CPS1: variants seen among roughly 807,000 people sequenced by gnomAD.
The protein encoded by CPS1 is carbamoyl-phosphate synthase [ammonia], mitochondrial.
CPS1 carries 109 observed loss-of-function variants against 174.6 expected under a neutral mutation model. That is an observed-to-expected ratio of 0.62 (90% confidence interval 0.53 to 0.73). The LOEUF (loss-of-function observed/expected upper bound fraction) is 0.73. Among genes scored for constraint, CPS1 ranks in the 30% least tolerant of loss-of-function variants. CPS1 has a pLI of 0.00. For missense variants in CPS1, 1,689 were observed against 1,821.9 expected (o/e 0.93, Z 1.33); for synonymous variants, 637 against 632.0 (o/e 1.01, Z -0.12).
At chr2:210,530,353 C>G (rs1423030005) in intron 1 of CPS1, among the ~76,000 whole-genome samples, 1 of 152,154 alleles carries the variant, frequency 6.6e-6, no homozygotes. Context: ...ATACTTTATA[C>G]TTTTTCTTCC....
chr2:210,661,769 T>TGAGA (rs1269449196), intron 32 of CPS1, among the ~76,000 whole-genome samples: 8 of 152,150 alleles, frequency 5.3e-5, no homozygotes, highest in African/African-American at 1.9e-4. Context: ...GAAAAATATT[T>TGAGA]TTTTCCACTG....
chr2:210,591,326 G>A (rs946611271), intron 9 of CPS1, among the ~76,000 whole-genome samples: 1 of 151,960 alleles, frequency 6.6e-6, no homozygotes, highest in African/African-American at 2.4e-5. Flanking sequence ...TGACTTAAGA[G>A]CCGAGGAACC....
chr2:210,649,296 A>G (rs1032247571), intron 27 of CPS1, among the ~76,000 whole-genome samples: 1 of 152,224 alleles, frequency 6.6e-6, no homozygotes, highest in Non-Finnish European at 1.5e-5. Context: ...TGAGGAGTTA[A>G]TGTAAACTAA....
At chr2:210,654,210 C>A in intron 29 of CPS1, 108 bp downstream of exon 29, 6 of 984,952 alleles carry the variant, frequency 6.1e-6, no homozygotes, top group East Asian at 2.5e-5. Flanking sequence ...TAAAACAGGT[C>A]TCCAGTAATA....
At chr2:210,539,180 A>G (rs969113859) in intron 1 of CPS1, among the ~76,000 whole-genome samples, 5 of 152,178 alleles carry the variant, frequency 3.3e-5, no homozygotes, top group African/African-American at 1.2e-4. Context: ...AATCTGCCTC[A>G]TAGTACTGCT....
intron 33 of CPS1, among the ~76,000 whole-genome samples, chr2:210,667,485 G>A (rs372642541): frequency 2.6e-5 from 4 of 152,094 alleles, no homozygotes; most frequent in East Asian, 1.9e-4. Flanking sequence ...CACAATTACC[G>A]TAAACCTAAA....
intron 1 of CPS1, among the ~76,000 whole-genome samples, chr2:210,519,969 A>G (rs886779447): frequency 6.6e-6 from 1 of 151,992 alleles, no homozygotes; most frequent in African/African-American, 2.4e-5. Context: ...AAACACATCT[A>G]TATGCTTATT....
intron 26 of CPS1, 66 bp downstream of exon 26, chr2:210,648,123 C>G (rs776295188): frequency 6.7e-7 from 1 of 1,483,124 alleles, no homozygotes; most frequent in Non-Finnish European, 9.4e-7. Context: ...TGAATGTTGA[C>G]TGAATGTTGA....
chr2:210,485,755 A>G (rs1213838187), intron 1 of CPS1, among the ~76,000 whole-genome samples: 2 of 152,154 alleles, frequency 1.3e-5, no homozygotes, highest in Non-Finnish European at 2.9e-5. Flanking sequence ...CATACTTTGT[A>G]TGGATACAGT....
At chr2:210,584,516 C>A (rs1464390065) in intron 6 of CPS1, among the ~76,000 whole-genome samples, 3 of 152,132 alleles carry the variant, frequency 2.0e-5, no homozygotes, top group African/African-American at 7.2e-5. Flanking sequence ...ATATAACATA[C>A]ACTTTTTTGC....
rs1332275359 is a variant in CPS1 at position 210,582,630 on chromosome 2, G to C, written c.542G>C (p.Gly181Ala). The C allele has an allele frequency of 6.2e-7, 1 of 1,612,644 alleles. No homozygotes were observed. The highest frequency in any genetic ancestry group is 1.3e-5 in the African/African-American group (1 of 74,792). The change falls in exon 6 of 38, where the codon GGG becomes GCG. Residue 181 changes from glycine (G) to alanine (A), a missense_variant. By Grantham distance (60) the Gly-to-Ala change is moderately conservative. Coordinates refer to ENST00000233072, the MANE Select transcript of CPS1 (RefSeq NM_001875.5). ...KIIRDKGTML[G>A]KIEFEGQPVD... ...TTAATTTGATAGGGTACCATGCTTG[G>C]GAAGATTGAATTTGAAGGTCAGCCT...
intron 21 of CPS1, among the ~76,000 whole-genome samples, chr2:210,622,766 TA>T (rs36066680): frequency 0.52 from 72,510 of 138,684 alleles, 18,281 homozygotes; most frequent in South Asian, 0.59. Context: ...TCATGATACT[TA>T]AAAAAAAAAA....
chr2:210,600,612 C>T lies in CPS1; in HGVS notation c.1607C>T (p.Thr536Ile). Reference sequence around the variant, plus strand: ...GAATATGGTGTGAAAGTCCTGGGAACTTCAGTTGAGTCCATTATGGCTACG... The same window carrying T: ...GAATATGGTGTGAAAGTCCTGGGAATTTCAGTTGAGTCCATTATGGCTACG... Reference protein sequence around the residue: ...LKEYGVKVLGTSVESIMATED... With the variant: ...LKEYGVKVLGISVESIMATED... The change falls in exon 15 of 38, where the codon ACT (threonine) becomes ATT (isoleucine). Residue 536 changes from threonine to isoleucine, a missense_variant. Thr to Ile is a moderately conservative substitution (Grantham distance 89). Transcript: ENST00000233072. The T allele has an allele frequency of 6.2e-7, 1 of 1,612,330 alleles. No homozygotes were observed. The highest frequency in any genetic ancestry group is 2.2e-5 in the East Asian group (1 of 44,772).
At chr2:210,583,476 G>A (rs373074741) in intron 6 of CPS1, among the ~76,000 whole-genome samples, 1 of 152,116 alleles carries the variant, frequency 6.6e-6, no homozygotes, top group Admixed American at 6.6e-5. Flanking sequence ...GCATTGAAAT[G>A]GGATAGGTGG....
At chr2:210,612,390 ATC>A in intron 20 of CPS1, 97 bp downstream of exon 20, 2 of 1,468,372 alleles carry the variant, frequency 1.4e-6, no homozygotes, top group South Asian at 2.3e-5. Context: ...GTGGTTTTAA[ATC>A]AGGGATTTTT....
chr2:210,554,149 A>G (rs1208450043), upstream of CPS1, among the ~76,000 whole-genome samples: 2 of 140,500 alleles, frequency 1.4e-5, 1 homozygote, highest in African/African-American at 5.1e-5. Context: ...ATATATGTAT[A>G]TATACACACA....
At chr2:210,502,677 G>A (rs182409497) in intron 1 of CPS1, among the ~76,000 whole-genome samples, 1 of 152,020 alleles carries the variant, frequency 6.6e-6, no homozygotes, top group South Asian at 2.1e-4. Context: ...GGAAGTCATA[G>A]TTCCTGGGTC....
intron 1 of CPS1, among the ~76,000 whole-genome samples, chr2:210,551,073 A>G (rs986856718): frequency 2.6e-5 from 4 of 151,974 alleles, no homozygotes; most frequent in Admixed American, 2.0e-4. Flanking sequence ...TATAATTGCT[A>G]TATATGCTTT....
At chr2:210,614,361 C>T (rs1022561674) in intron 20 of CPS1, among the ~76,000 whole-genome samples, 7 of 151,748 alleles carry the variant, frequency 4.6e-5, no homozygotes, top group Admixed American at 3.3e-4. Context: ...AATAAACATA[C>T]GTGTGCATGT....
Sources: allele counts gnomAD v4.1 joint callset (sites outside exome capture counted in the v4.1 genomes callset), GRCh38; gene constraint gnomAD v4.1.1; transcripts MANE v1.5; gene names NCBI Gene and HGNC (gene_info 2026-07-23, HGNC 2026-07-21).